Variants in LIPJ observed in about 807,000 individuals in gnomAD.
LIPJ encodes lipase member J.
A neutral mutation model predicts 39.8 loss-of-function variants in LIPJ; 33 were observed. The observed-to-expected ratio is 0.83, with a 90% CI of 0.63 to 1.11. The LOEUF is 1.11. Among genes scored for constraint, LIPJ ranks in the 50% least tolerant of loss-of-function variants. The pLI, the probability that LIPJ is intolerant of heterozygous loss-of-function variation, is 0.00. For missense variants in LIPJ, 422 were observed against 427.9 expected (o/e 0.99, Z 0.12); for synonymous variants, 128 against 139.2 (o/e 0.92, Z 0.57).
At chr10:88,596,792 T>C (rs1215267774) in exon 8 of LIPJ, 8 of 1,598,482 alleles carry the variant, frequency 5.0e-6, no homozygotes, top group Non-Finnish European at 6.8e-6. Flanking sequence ...TTTTACAGGC[T>C]TTTTCAGGCA....
At chr10:88,593,856 G>A in intron 4 of LIPJ, 90 bp from the exon 5 acceptor site, 2 of 1,083,172 alleles carry the variant, frequency 1.8e-6, no homozygotes, top group Non-Finnish European at 2.7e-6. Flanking sequence ...TCTTTAAACT[G>A]TCATGTACTA....
upstream of LIPJ, chr10:88,583,759 T>G: frequency 2.1e-6 from 2 of 963,190 alleles, no homozygotes; most frequent in Non-Finnish European, 2.5e-6. Context: ...GTAACCTTCC[T>G]GAACCTCAAT....
At chr10:88,623,008 C>A in the LIPJ span, among the ~76,000 whole-genome samples, 1 of 152,060 alleles carries the variant, frequency 6.6e-6, no homozygotes. Context: ...ATAATATCAA[C>A]AATTCTCTTT....
intron 8 of LIPJ, among the ~76,000 whole-genome samples, chr10:88,601,655 C>T (rs752703878): frequency 1.5e-4 from 23 of 152,106 alleles, no homozygotes; most frequent in Non-Finnish European, 4.4e-5. Flanking sequence ...GGTTCCTGTC[C>T]TCTGGTGGTT....
chr10:88,605,515 C>T (rs978067533), intron 9 of LIPJ, 118 bp from the exon 10 acceptor site: 7 of 711,400 alleles, frequency 9.8e-6, no homozygotes, highest in South Asian at 1.6e-5. Flanking sequence ...AGAAGCCCAC[C>T]TGCATAAATA....
At chr10:88,613,826 ATATG>A in the LIPJ span, among the ~76,000 whole-genome samples, 183 of 80,700 alleles carry the variant, frequency 2.3e-3, 2 homozygotes, top group African/African-American at 8.4e-3. Flanking sequence ...GTATATATAT[ATATG>A]TGTGTATATA....
intron 7 of LIPJ, 47 bp downstream of exon 7, chr10:88,596,463 T>A (rs1851258652): frequency 7.0e-7 from 1 of 1,432,510 alleles, no homozygotes; most frequent in African/African-American, 1.5e-5. Flanking sequence ...AAAGTGATAA[T>A]TTTATGCTTT....
At chr10:88,616,375 G>C in the LIPJ span, among the ~76,000 whole-genome samples, 1 of 152,196 alleles carries the variant, frequency 6.6e-6, no homozygotes, top group African/African-American at 2.4e-5. Context: ...GCGTCAGGGA[G>C]AGGCTGATCC....
the LIPJ span, among the ~76,000 whole-genome samples, chr10:88,614,748 T>A: frequency 6.6e-6 from 1 of 152,104 alleles, no homozygotes. Context: ...AAAATTGTTT[T>A]CAAAAGTATT....
At chr10:88,585,538 C>G (rs1190646493), upstream of LIPJ, 1 of 152,164 alleles carries the variant, frequency 6.6e-6, no homozygotes, top group African/African-American at 2.4e-5. Flanking sequence ...TCGGAACTTT[C>G]TCTTCACTGC....
downstream of LIPJ, among the ~76,000 whole-genome samples, chr10:88,610,542 A>G (rs1221633774): frequency 6.6e-6 from 1 of 152,164 alleles, no homozygotes. Flanking sequence ...CTTACCCTAG[A>G]AATTGTTATA....
Position 88,590,701 on chromosome 10 carries a change from G to A in LIPJ, c.9+5G>A, listed in dbSNP as rs769082659. The A allele has an allele frequency of 6.3e-7, 1 of 1,593,108 alleles. No individual in the cohort carries two copies. The highest frequency in any genetic ancestry group is 1.1e-5 in the South Asian group (1 of 89,574). On this transcript the variant is annotated splice_donor_5th_base_variant and intron_variant, in intron 3 of 10. Transcript: ENST00000371939. The stretch of plus-strand genomic sequence containing the variant: ...CCTGAAGCAGATATGAATATTGTAA[G>A]TTGTTAGAAAATAAATCTGGACTGC...
At chr10:88,600,549 A>T (rs1480279465) in intron 8 of LIPJ, among the ~76,000 whole-genome samples, 4 of 152,262 alleles carry the variant, frequency 2.6e-5, no homozygotes, top group Admixed American at 2.6e-4. Flanking sequence ...TATTAATCAT[A>T]CTTTATTTTA....
chr10:88,584,320 CAG>C, upstream of LIPJ: 1 of 151,938 alleles, frequency 6.6e-6, no homozygotes, highest in Middle Eastern at 3.4e-3. Flanking sequence ...TGGAATTGAA[CAG>C]AAAATACATA....
chr10:88,615,359 A>G, the LIPJ span, among the ~76,000 whole-genome samples: 2 of 152,158 alleles, frequency 1.3e-5, no homozygotes, highest in Admixed American at 6.5e-5. Context: ...CAGGGATCAT[A>G]GAAATACCCT....
chr10:88,594,765 GTAC>G (rs1564933110), exon 6 of LIPJ: 1 of 1,475,762 alleles, frequency 6.8e-7, no homozygotes, highest in Non-Finnish European at 9.2e-7. Context: ...CATTCACAGG[GTAC>G]TACTATTGGT....
In LIPJ at chr10:88,594,118, G is replaced by T. The variant is rs116125410; in HGVS notation, c.303G>T (p.Thr101=). Residue 101 remains threonine (T), a synonymous_variant, in exon 5 of 11, where the codon ACG becomes ACT. Coordinates refer to ENST00000371939, the Ensembl canonical transcript of LIPJ. ...CCAGGAAACACTTGTACCTAGAAACGAGTTCCAAAGAATTCTGGGCTTTCA... is the reference window on the plus strand; with the variant it reads ...CCAGGAAACACTTGTACCTAGAAACTAGTTCCAAAGAATTCTGGGCTTTCA... The T allele has an allele frequency of 3.4e-5, 54 of 1,610,730 alleles. No homozygotes were observed. In the Middle Eastern group the frequency reaches 5.0e-4, roughly 15 times the overall value.
At chr10:88,583,228 G>C, upstream of LIPJ, 3 of 1,610,310 alleles carry the variant, frequency 1.9e-6, no homozygotes, top group Non-Finnish European at 2.5e-6. Context: ...AGTCTCTGCG[G>C]CGGGGCCGTT....
chr10:88,609,622 C>T (rs939755988), downstream of LIPJ, among the ~76,000 whole-genome samples: 1 of 152,080 alleles, frequency 6.6e-6, no homozygotes. Flanking sequence ...GAAACCCTAC[C>T]GGGTGCAGTG....
Sources: gnomAD v4.1 joint callset for allele counts (sites outside exome capture counted in the v4.1 genomes callset) on GRCh38, gnomAD v4.1.1 for gene constraint, MANE v1.5 for transcripts, NCBI Gene and HGNC (gene_info 2026-07-23, HGNC 2026-07-21) for gene names.